Variants in PDE1C observed in about 807,000 individuals in gnomAD.
PDE1C encodes dual specificity calcium/calmodulin-dependent 3',5'-cyclic nucleotide phosphodiesterase 1C.
A neutral mutation model predicts 93.1 loss-of-function variants in PDE1C; 62 were observed. The ratio of observed to expected loss-of-function variants is 0.67; its 90% CI spans 0.54 to 0.82. The LOEUF is 0.82. Among genes scored for constraint, PDE1C ranks in the 40% least tolerant of loss-of-function variants. The pLI is 0.00. For synonymous variants in PDE1C, 325 were observed against 310.1 expected, an observed-to-expected ratio of 1.05 and a Z score of -0.50; for missense variants, 742 against 884.6, an observed-to-expected ratio of 0.84 and a Z score of 2.04.
rs1423486768 is a variant in PDE1C at position 32,280,085 on chromosome 7, T to C, written c.85+18566A>G. Among the ~76,000 whole-genome samples the C allele has an allele frequency of 2.6e-5, 4 of 152,260 alleles. No individual in the cohort carries two copies. The East Asian group carries it at 7.7e-4, about 29-fold the overall frequency. On this transcript the variant is annotated intron_variant, in intron 1 of 18. Coordinates refer to the PDE1C transcript ENST00000396193. ...TATATAAAAGGGATTCACTAAAACATCAGAAGTAGATTTGGGGAGATTTTA... is the reference window on the plus strand; with the variant it reads ...TATATAAAAGGGATTCACTAAAACACCAGAAGTAGATTTGGGGAGATTTTA...
At chr7:32,293,058 C>A (rs1249438213) in intron 1 of PDE1C, among the ~76,000 whole-genome samples, 2 of 152,150 alleles carry the variant, frequency 1.3e-5, no homozygotes, top group Admixed American at 1.3e-4. Context: ...TGATGCTCAC[C>A]CACTCCCAGC....
intron 7 of PDE1C, among the ~76,000 whole-genome samples, chr7:31,854,419 T>G (rs531808020): frequency 1.3e-5 from 2 of 152,274 alleles, no homozygotes; most frequent in East Asian, 1.9e-4. Flanking sequence ...AATTACCAAT[T>G]GGTGGCAAGG....
chr7:32,361,731 T>C (rs1403525700), intron 1 of PDE1C, among the ~76,000 whole-genome samples: 1 of 152,166 alleles, frequency 6.6e-6, no homozygotes, highest in Non-Finnish European at 1.5e-5. Context: ...CCCTGGCACT[T>C]TGTACATCTC....
Position 32,051,577 on chromosome 7 carries a change from C to T in PDE1C, c.105G>A (p.Arg35=). 1 of 1,613,428 alleles carries T rather than the reference C, an allele frequency of 6.2e-7. No individual in the cohort carries two copies. The highest frequency in any genetic ancestry group is 8.5e-7 in the Non-Finnish European group (1 of 1,179,478). ...ACCTCTGGGACGTTTTCTTATATTTCCTCCTGTAAGAAAAGGCATAAACAT... is the reference window on the plus strand; with the variant it reads ...ACCTCTGGGACGTTTTCTTATATTTTCTCCTGTAAGAAAAGGCATAAACAT... ...EKIWLRLRGL[R]KYKKTSQRLR... Residue 35 remains arginine (R), a synonymous_variant, in exon 2 of 18, where the codon AGG becomes AGA. Coordinates refer to ENST00000396191, the MANE Select transcript of PDE1C (RefSeq NM_001191057.4).
chr7:32,384,269 T>C (rs150507234), intron 1 of PDE1C, among the ~76,000 whole-genome samples: 6 of 152,276 alleles, frequency 3.9e-5, no homozygotes, highest in African/African-American at 1.2e-4. Context: ...GATGGGGAGA[T>C]GGATATGAAA....
intron 2 of PDE1C, among the ~76,000 whole-genome samples, chr7:32,039,138 G>A (rs1034657430): frequency 6.6e-6 from 1 of 152,018 alleles, no homozygotes; most frequent in Non-Finnish European, 1.5e-5. Context: ...GAAGGAATGG[G>A]GCTTCTGTTT....
At chr7:31,984,074 C>T (rs1024415382) in intron 2 of PDE1C, among the ~76,000 whole-genome samples, 6 of 144,704 alleles carry the variant, frequency 4.1e-5, no homozygotes, top group South Asian at 2.2e-4. Flanking sequence ...TACCTGAAGG[C>T]GGTATGATAG....
chr7:31,854,897 T>C (rs938464978), intron 7 of PDE1C, among the ~76,000 whole-genome samples: 2 of 151,778 alleles, frequency 1.3e-5, no homozygotes, highest in African/African-American at 2.4e-5. Flanking sequence ...TGAAACCCCA[T>C]CTCTACTGAA....
intron 16 of PDE1C, among the ~76,000 whole-genome samples, chr7:31,793,782 A>G (rs1201267556): frequency 6.6e-6 from 1 of 151,826 alleles, no homozygotes; most frequent in African/African-American, 2.4e-5. Flanking sequence ...TCACAAGTAC[A>G]TGACAGCTAT....
At chr7:32,160,360 A>C (rs1801838994) in intron 3 of PDE1C, among the ~76,000 whole-genome samples, 1 of 152,230 alleles carries the variant, frequency 6.6e-6, no homozygotes. Context: ...AAAGGAAATT[A>C]AGAAGCAACA....
intron 2 of PDE1C, among the ~76,000 whole-genome samples, chr7:31,889,879 C>T (rs941515834): frequency 1.3e-5 from 2 of 152,162 alleles, no homozygotes; most frequent in African/African-American, 4.8e-5. Context: ...GAAAGGAGCT[C>T]CCTAACAGTC....
At chr7:32,187,763 A>T (rs1803978294) in intron 2 of PDE1C, among the ~76,000 whole-genome samples, 1 of 149,416 alleles carries the variant, frequency 6.7e-6, no homozygotes. Context: ...TAAGCCAATA[A>T]ATCAAAAATC....
At chr7:32,174,283 A>G (rs904835138) in intron 2 of PDE1C, among the ~76,000 whole-genome samples, 3 of 152,064 alleles carry the variant, frequency 2.0e-5, no homozygotes, top group South Asian at 2.1e-4. Context: ...AATTCCCTCA[A>G]TGTGCCAGGT....
chr7:31,824,154 A>C (rs991838249), intron 13 of PDE1C, among the ~76,000 whole-genome samples: 5 of 152,074 alleles, frequency 3.3e-5, no homozygotes, highest in Non-Finnish European at 7.4e-5. Flanking sequence ...TTTATGACAA[A>C]GCCCACTGTT....
chr7:32,357,370 C>T (rs1784052294), intron 1 of PDE1C, among the ~76,000 whole-genome samples: 1 of 151,802 alleles, frequency 6.6e-6, no homozygotes, highest in Admixed American at 6.6e-5. Context: ...TGTGTTGTGG[C>T]TGAACAGTGT....
rs184055693 is a variant in PDE1C, at chr7:31,897,650, C to G, written c.129-16790G>C. Among the ~76,000 whole-genome samples the G allele has an allele frequency of 3.9e-5, 6 of 152,292 alleles. No homozygotes were observed. The East Asian group carries it at 1.2e-3, about 29-fold the overall frequency. On this transcript the variant is annotated intron_variant, in intron 2 of 17. Coordinates refer to ENST00000396191, the MANE Select transcript of PDE1C (RefSeq NM_001191057.4). ...TTCTCTAATATTGTTTTCTGTCTCT[C>G]TCTGGACACTCTCTGAGGACCAGTT...
At chr7:32,073,057 A>G (rs1339985274), upstream of PDE1C, among the ~76,000 whole-genome samples, 1 of 152,236 alleles carries the variant, frequency 6.6e-6, no homozygotes, top group African/African-American at 2.4e-5. Context: ...GGATGAAAAT[A>G]TACAAAGGAA....
the PDE1C span, among the ~76,000 whole-genome samples, chr7:31,709,391 C>T: frequency 2.6e-5 from 4 of 152,272 alleles, no homozygotes; most frequent in Admixed American, 6.5e-5. Flanking sequence ...AGATAATGGA[C>T]GGCAAAGAGC....
intron 2 of PDE1C, among the ~76,000 whole-genome samples, chr7:32,033,624 G>A (rs1453277449): frequency 6.6e-6 from 1 of 151,918 alleles, no homozygotes; most frequent in Non-Finnish European, 1.5e-5. Flanking sequence ...ACAAATAGGG[G>A]ACCCTGAACT....
Sources: allele counts gnomAD v4.1 joint callset (sites outside exome capture counted in the v4.1 genomes callset), GRCh38; gene constraint gnomAD v4.1.1; transcripts MANE v1.5; gene names NCBI Gene and HGNC (gene_info 2026-07-23, HGNC 2026-07-21).